MTUS1: variants seen among roughly 807,000 people sequenced by gnomAD.
MTUS1 encodes the protein microtubule-associated tumor suppressor 1.
In MTUS1, 109 loss-of-function variants were observed where a neutral mutation model predicts 120.8. That is an observed-to-expected ratio of 0.90 (90% CI 0.77 to 1.06). The LOEUF is 1.06. Among genes scored for constraint, MTUS1 ranks in the 50% least tolerant of loss-of-function variants. The probability of loss-of-function intolerance (pLI) is 0.00; values close to 1 mark genes in which losing one functional copy is unlikely to be tolerated. For synonymous variants in MTUS1, 737 were observed against 550.5 expected, an observed-to-expected ratio of 1.34 and a Z score of -4.74; for missense variants, 2,210 against 1,486.3, an observed-to-expected ratio of 1.49 and a Z score of -8.01.
At chr8:17,791,195 T>C (rs534600211) in intron 1 of MTUS1, among the ~76,000 whole-genome samples, 1 of 152,314 alleles carries the variant, frequency 6.6e-6, no homozygotes, top group East Asian at 1.9e-4. Flanking sequence ...CCCAGTCTCC[T>C]TCAGTATAAA....
rs1004836661 is a variant in MTUS1 at position 17,713,162 on chromosome 8, A to C, written c.2623+52T>G. 7.2e-6 allele frequency: 10 copies of C among 1,385,028 alleles called. No individual in the cohort carries two copies. In the Admixed American group the frequency reaches 9.1e-5, roughly 13 times the overall value. 85.8% of individuals were successfully genotyped at this position (1,385,028 alleles called of 1,614,324 possible). ...AATCACTGTAAATACTTGTAGTAACATAACTTTACAAAAAGATTCTTTTTA... is the reference window on the plus strand; with the variant it reads ...AATCACTGTAAATACTTGTAGTAACCTAACTTTACAAAAAGATTCTTTTTA... On this transcript the variant is annotated intron_variant, in intron 6 of 14. Transcript: ENST00000693296.
intron 2 of MTUS1, among the ~76,000 whole-genome samples, chr8:17,753,322 C>T (rs982074213): frequency 2.6e-5 from 4 of 152,340 alleles, no homozygotes; most frequent in African/African-American, 7.2e-5. Context: ...TTTACCAGCA[C>T]TCCCAAGCCC....
intron 4 of MTUS1, among the ~76,000 whole-genome samples, chr8:17,718,330 C>T (rs530426261): frequency 3.8e-4 from 58 of 152,280 alleles, no homozygotes; most frequent in African/African-American, 1.2e-3. Context: ...ATAAGAGATG[C>T]ATAATAGTTT....
intron 12 of MTUS1, among the ~76,000 whole-genome samples, chr8:17,650,704 T>G (rs879085230): frequency 6.6e-6 from 1 of 152,142 alleles, no homozygotes; most frequent in Non-Finnish European, 1.5e-5. Context: ...CAAGATCCTG[T>G]CTCAAAAACA....
intron 6 of MTUS1, among the ~76,000 whole-genome samples, chr8:17,695,783 C>T (rs995945421): frequency 1.4e-4 from 22 of 152,118 alleles, no homozygotes; most frequent in South Asian, 6.2e-4. Flanking sequence ...ATATATAGTA[C>T]GCTTTTATTT....
At position 17,655,941 on chromosome 8, in the gene MTUS1, A is replaced by G; in HGVS notation, c.3030T>C (p.Phe1010=). Residue 1010 remains phenylalanine, a synonymous_variant, in exon 9 of 15, where the codon TTT becomes TTC. Transcript: ENST00000693296. The part of the protein sequence containing the change: ...KTERENRLKE[F]YTREYEKLRD... Reference sequence around the variant, plus strand: ...GAAGCTTTTCATACTCCCTGGTGTAAAACTCTTTAAGCCGATTCTCTCGTT... The same window carrying G: ...GAAGCTTTTCATACTCCCTGGTGTAGAACTCTTTAAGCCGATTCTCTCGTT... The G allele has an allele frequency of 6.2e-7, 1 of 1,614,156 alleles. No homozygotes were observed. The highest frequency in any genetic ancestry group is 1.1e-5 in the South Asian group (1 of 91,078).
intron 3 of MTUS1, among the ~76,000 whole-genome samples, chr8:17,741,293 T>C (rs1408143933): frequency 6.6e-6 from 1 of 152,130 alleles, no homozygotes; most frequent in Non-Finnish European, 1.5e-5. Flanking sequence ...CACAATCACA[T>C]TGCAGGTTGG....
intron 2 of MTUS1, among the ~76,000 whole-genome samples, chr8:17,747,736 T>C (rs2131297669): frequency 6.6e-6 from 1 of 152,294 alleles, no homozygotes; most frequent in Non-Finnish European, 1.5e-5. Flanking sequence ...GCTTGACTGA[T>C]GTATTAGTCC....
At chr8:17,759,914 A>C (rs2048904695) in intron 1 of MTUS1, among the ~76,000 whole-genome samples, 1 of 151,912 alleles carries the variant, frequency 6.6e-6, no homozygotes, top group South Asian at 2.1e-4. Flanking sequence ...TTTTTTTTTA[A>C]TTCACAAAAA....
chr8:17,691,556 A>T (rs1425440608), intron 6 of MTUS1, among the ~76,000 whole-genome samples: 1 of 152,234 alleles, frequency 6.6e-6, no homozygotes, highest in Non-Finnish European at 1.5e-5. Context: ...AAGGAGGCTG[A>T]AAGGAAGAAT....
chr8:17,744,625 G>T (rs576380097), intron 2 of MTUS1, among the ~76,000 whole-genome samples: 22 of 148,942 alleles, frequency 1.5e-4, no homozygotes, highest in African/African-American at 4.9e-4. Context: ...TATTTTTGTA[G>T]CTAAGTTTTG....
At chr8:17,707,254 A>G (rs978330329) in intron 6 of MTUS1, among the ~76,000 whole-genome samples, 11 of 152,184 alleles carry the variant, frequency 7.2e-5, no homozygotes, top group Admixed American at 6.5e-4. Flanking sequence ...ACTATTATCA[A>G]AGAGGTTCAA....
chr8:17,721,112 A>C (rs1213737662), intron 4 of MTUS1, among the ~76,000 whole-genome samples: 1 of 152,208 alleles, frequency 6.6e-6, no homozygotes, highest in Non-Finnish European at 1.5e-5. Flanking sequence ...CATCACAAAG[A>C]AACAAGCAGA....
chr8:17,673,759 C>G (rs1812500975), intron 8 of MTUS1, among the ~76,000 whole-genome samples: 2 of 152,140 alleles, frequency 1.3e-5, no homozygotes, highest in Admixed American at 1.3e-4. Flanking sequence ...CCAGCCCAGA[C>G]AAAGTCTTGA....
intron 1 of MTUS1, among the ~76,000 whole-genome samples, chr8:17,778,188 T>C (rs1351469131): frequency 6.6e-6 from 1 of 152,116 alleles, no homozygotes; most frequent in Non-Finnish European, 1.5e-5. Flanking sequence ...GAAATACCAC[T>C]CCACAACAGA....
intron 3 of MTUS1, among the ~76,000 whole-genome samples, chr8:17,738,243 T>C (rs1168531296): frequency 6.6e-6 from 1 of 152,174 alleles, no homozygotes; most frequent in Non-Finnish European, 1.5e-5. Context: ...CATGGGGCCT[T>C]TTCCCCACCC....
chr8:17,742,917 G>A (rs2047447648), intron 3 of MTUS1, among the ~76,000 whole-genome samples: 1 of 152,144 alleles, frequency 6.6e-6, no homozygotes, highest in Non-Finnish European at 1.5e-5. Flanking sequence ...GCAGAAGTAA[G>A]GTGGGTTCTT....
intron 4 of MTUS1, chr8:17,722,587 A>G (rs746369399): frequency 3.0e-6 from 3 of 985,090 alleles, no homozygotes; most frequent in Non-Finnish European, 3.6e-6. Context: ...GAGTCCAGCT[A>G]CTGCTGCTAG....
At position 17,743,620 on chromosome 8, in the gene MTUS1, C is replaced by T. The variant is rs777233433; in HGVS notation, c.2271G>A (p.Arg757=). 7 of 1,613,980 alleles carry T rather than the reference C, an allele frequency of 4.3e-6. No homozygotes were observed. Among genetic ancestry groups the T allele is most frequent in the Non-Finnish European group, 5.9e-6 (7 of 1,179,956 alleles). The part of the protein sequence containing the change: ...ADRAVSPQRI[R]RVSSSGKPTS... ...TATTCTTACCAGAACTGGACACACG[C>T]CTGATCCTCTGAGGAGATACGGCTC... The change falls in exon 3 of 15, where the codon AGG becomes AGA. Residue 757 remains arginine (R), a synonymous_variant. Transcript: ENST00000693296.
Sources: allele counts gnomAD v4.1 joint callset (sites outside exome capture counted in the v4.1 genomes callset), GRCh38; gene constraint gnomAD v4.1.1; transcripts MANE v1.5; gene names NCBI Gene and HGNC (gene_info 2026-07-23, HGNC 2026-07-21).